WWOX: variants seen among roughly 807,000 people sequenced by gnomAD.
The protein encoded by WWOX is WW domain containing oxidoreductase, also known as WW domain-containing oxidoreductase.
In WWOX, 69 loss-of-function variants were observed where a neutral mutation model predicts 46.2. The observed-to-expected ratio is 1.49, with a 90% CI of 1.23 to 1.82. WWOX has a LOEUF of 1.82. Among genes scored for constraint, WWOX ranks in the 40% most tolerant of loss-of-function variants. The probability of loss-of-function intolerance (pLI) is 0.00; values close to 1 mark genes in which losing one functional copy is unlikely to be tolerated. For synonymous variants in WWOX, 359 were observed against 202.6 expected (o/e 1.77, Z -6.56); for missense variants, 919 against 542.6 (o/e 1.69, Z -6.89).
chr16:78,604,622 A>G (rs963017485), intron 8 of WWOX, among the ~76,000 whole-genome samples: 13 of 151,610 alleles, frequency 8.6e-5, no homozygotes, highest in African/African-American at 3.2e-4. Flanking sequence ...TCAATGTTAA[A>G]TACCATTTCC....
At chr16:78,780,444 A>G (rs2050296303) in intron 8 of WWOX, 1 of 152,240 alleles carries the variant, frequency 6.6e-6, no homozygotes, top group African/African-American at 2.4e-5. Context: ...ATGATAAACA[A>G]GTCAAAAACA....
intron 8 of WWOX, among the ~76,000 whole-genome samples, chr16:78,746,812 A>C (rs2049358560): frequency 6.6e-6 from 1 of 152,046 alleles, no homozygotes; most frequent in Admixed American, 6.6e-5. Flanking sequence ...ACCTCAACCA[A>C]TTCTTAGACT....
intron 8 of WWOX, among the ~76,000 whole-genome samples, chr16:78,492,121 A>G (rs1055644790): frequency 3.9e-4 from 59 of 152,178 alleles, no homozygotes; most frequent in African/African-American, 1.4e-3. Context: ...TTCACATGAC[A>G]AGTAAATGAG....
intron 8 of WWOX, among the ~76,000 whole-genome samples, chr16:78,933,261 A>C (rs954077170): frequency 3.3e-5 from 5 of 152,230 alleles, no homozygotes; most frequent in Non-Finnish European, 1.5e-5. Flanking sequence ...CAACTTGGCA[A>C]AACCCAGTGT....
chr16:79,098,615 A>G (rs545570295), intron 8 of WWOX, among the ~76,000 whole-genome samples: 3 of 152,318 alleles, frequency 2.0e-5, no homozygotes, highest in South Asian at 4.1e-4. Flanking sequence ...TTCTTTTGTT[A>G]AAGAGTAAGA....
intron 8 of WWOX, among the ~76,000 whole-genome samples, chr16:78,704,200 C>T (rs1412019716): frequency 1.3e-5 from 2 of 151,868 alleles, no homozygotes; most frequent in Non-Finnish European, 2.9e-5. Flanking sequence ...CTCTGAGCCT[C>T]AACATCTGTC....
rs1319472545 is a variant in WWOX, at chr16:78,287,389, C to CT, written c.517-99468dup. 2.0e-5 allele frequency among the ~76,000 whole-genome samples: 3 copies of CT among 152,086 alleles called. No individual in the cohort carries two copies. The East Asian group carries it at 5.8e-4, about 29-fold the overall frequency. ...CTAGACATCAACCTGGTTTTGAATC[C>CT]TTTGAGTTTTGGCAAATAGAAAATT... On this transcript the variant is annotated intron_variant, in intron 5 of 8. Transcript: ENST00000566780.
chr16:78,984,892 C>G (rs1008174550), intron 8 of WWOX, among the ~76,000 whole-genome samples: 2 of 151,936 alleles, frequency 1.3e-5, no homozygotes, highest in South Asian at 2.1e-4. Context: ...AGAACTGATT[C>G]TTTTTTCAGT....
chr16:78,288,420 C>T (rs73572495), intron 5 of WWOX, among the ~76,000 whole-genome samples: 2,701 of 152,012 alleles, frequency 0.018, 97 homozygotes, highest in African/African-American at 0.062. Context: ...TCTAGGTTGG[C>T]CTGATTTTTG....
intron 5 of WWOX, among the ~76,000 whole-genome samples, chr16:78,199,320 C>T (rs1256458380): frequency 9.4e-6 from 1 of 106,378 alleles, no homozygotes; most frequent in African/African-American, 3.7e-5. Context: ...CTCAAACAAA[C>T]AAACAAACAA....
chr16:78,316,549 G>A (rs1049609140), intron 5 of WWOX, among the ~76,000 whole-genome samples: 1 of 152,042 alleles, frequency 6.6e-6, no homozygotes, highest in Non-Finnish European at 1.5e-5. Flanking sequence ...TGCGGTGTTG[G>A]CCAGGCTGTT....
At chr16:78,223,866 A>G (rs116334070) in intron 5 of WWOX, among the ~76,000 whole-genome samples, 3 of 152,310 alleles carry the variant, frequency 2.0e-5, no homozygotes, top group African/African-American at 4.8e-5. Flanking sequence ...CATAGAATCC[A>G]TATGTCTAAG....
chr16:79,154,830 C>T (rs899513048), intron 8 of WWOX, among the ~76,000 whole-genome samples: 4 of 152,182 alleles, frequency 2.6e-5, no homozygotes, highest in African/African-American at 7.2e-5. Context: ...ATTCCTATTA[C>T]ACCTGTGCTT....
intron 8 of WWOX, among the ~76,000 whole-genome samples, chr16:78,547,384 A>G (rs2044066471): frequency 6.6e-6 from 1 of 152,194 alleles, no homozygotes; most frequent in Admixed American, 6.5e-5. Context: ...AAGGTCACAT[A>G]GCTCACAAAC....
rs139103227 is a variant in WWOX, at chr16:78,579,093, G to A, written c.1056+146341G>A. ...CTTGTCAGCCACTTCATCATGTTTG[G>A]TCTCTCGTCTTTGGCTGTGTTTTTC... On this transcript the variant is annotated intron_variant, in intron 8 of 8. Coordinates refer to ENST00000566780, the MANE Select transcript of WWOX (RefSeq NM_016373.4). Among the ~76,000 whole-genome samples the A allele has an allele frequency of 5.9e-3, 900 of 152,094 alleles. 12 individuals are homozygous for A. Among genetic ancestry groups the A allele is most frequent in the African/African-American group, 0.021 (877 of 41,468 alleles).
chr16:78,772,836 T>G (rs117502135), intron 8 of WWOX, among the ~76,000 whole-genome samples: 8 of 152,016 alleles, frequency 5.3e-5, no homozygotes, highest in African/African-American at 1.9e-4. Context: ...CTGGACAACA[T>G]AGCGTGAACT....
chr16:78,103,991 G>C (rs913214680), intron 1 of WWOX, among the ~76,000 whole-genome samples: 1 of 152,114 alleles, frequency 6.6e-6, no homozygotes, highest in African/African-American at 2.4e-5. Flanking sequence ...GAACCCAAGA[G>C]AGCTGGTGGG....
At chr16:79,200,583 G>C (rs544608439) in intron 8 of WWOX, among the ~76,000 whole-genome samples, 2 of 152,096 alleles carry the variant, frequency 1.3e-5, no homozygotes, top group Non-Finnish European at 2.9e-5. Flanking sequence ...ATAACAGGTC[G>C]TTGGCACCTA....
At chr16:78,619,903 A>G (rs1460517903) in intron 8 of WWOX, among the ~76,000 whole-genome samples, 2 of 152,084 alleles carry the variant, frequency 1.3e-5, no homozygotes, top group Non-Finnish European at 2.9e-5. Context: ...ACCTGTCTCC[A>G]AAATAAATAA....
Sources: gnomAD v4.1 joint callset for allele counts (sites outside exome capture counted in the v4.1 genomes callset) on GRCh38, gnomAD v4.1.1 for gene constraint, MANE v1.5 for transcripts, NCBI Gene and HGNC (gene_info 2026-07-23, HGNC 2026-07-21) for gene names.